TBC1D1: variants seen among roughly 807,000 people sequenced by gnomAD.
TBC1D1 encodes TBC1 domain family member 1, also known as TBC1 (tre-2/USP6, BUB2, cdc16) domain family, member 1.
A neutral mutation model predicts 125.6 loss-of-function variants in TBC1D1; 89 were observed. The observed-to-expected ratio is 0.71, with a 90% CI of 0.60 to 0.85. The LOEUF (loss-of-function observed/expected upper bound fraction) is 0.85. TBC1D1 is among the 40% of genes least tolerant of loss of function. TBC1D1 has a pLI of 0.00. For synonymous variants in TBC1D1, 565 were observed against 564.1 expected, an observed-to-expected ratio of 1.00 and a Z score of -0.02; for missense variants, 1,377 against 1,469.2, an observed-to-expected ratio of 0.94 and a Z score of 1.03.
At chr4:37,896,627 T>C (rs1164766334) in intron 1 of TBC1D1, among the ~76,000 whole-genome samples, 6 of 152,042 alleles carry the variant, frequency 3.9e-5, no homozygotes, top group Admixed American at 3.3e-4. Context: ...GTAACTTGCT[T>C]TTTCAACTTC....
chr4:37,905,596 C>T lies in TBC1D1; in HGVS notation c.417+3084C>T, dbSNP rs531797274. 7.1e-4 allele frequency among the ~76,000 whole-genome samples: 108 copies of T among 152,280 alleles called. 1 individual carries two copies. The highest frequency in any genetic ancestry group is 6.8e-3 in the Middle Eastern group (2 of 294). On this transcript the variant is annotated intron_variant, in intron 2 of 19. Transcript: ENST00000261439. ...AGGACTCTGGTGAAGCTTTCCCAGGCGATTTTCTGCTAAAGCTTTGGCTAA... is the reference window on the plus strand; with the variant it reads ...AGGACTCTGGTGAAGCTTTCCCAGGTGATTTTCTGCTAAAGCTTTGGCTAA...
intron 12 of TBC1D1, among the ~76,000 whole-genome samples, chr4:38,070,183 T>A (rs976409252): frequency 1.3e-5 from 2 of 152,240 alleles, no homozygotes; most frequent in Non-Finnish European, 2.9e-5. Flanking sequence ...TAGGTGAAAT[T>A]GTACATGAGT....
At position 37,934,514 on chromosome 4, in the gene TBC1D1, C is replaced by G. The variant is rs564439956; in HGVS notation, c.417+32002C>G. 5.3e-4 allele frequency among the ~76,000 whole-genome samples: 80 copies of G among 152,264 alleles called. 1 individual carries two copies. The highest frequency in any genetic ancestry group is 4.8e-3 in the Admixed American group (73 of 15,280). ...GAGGGAGAAAGGTGGGCTGCTTCTG[C>G]GTCATCCGTCCTGGTTGTGTCCCAG... On this transcript the variant is annotated intron_variant, in intron 2 of 19. Coordinates refer to ENST00000261439, the MANE Select transcript of TBC1D1 (RefSeq NM_015173.4).
chr4:38,060,732 G>C (rs937969107), intron 12 of TBC1D1: 4 of 1,003,366 alleles, frequency 4.0e-6, no homozygotes, highest in Admixed American at 2.4e-5. Flanking sequence ...GCTTTCTTCA[G>C]ATCATGGTTT....
Position 37,995,138 on chromosome 4 carries a change from T to G in TBC1D1, c.418-19371T>G, listed in dbSNP as rs551281796. ...TACTGCAGTTTGTTTCCTTCGATACTGACACAACAGCCCTCGGGAAACTGA... is the reference window on the plus strand; with the variant it reads ...TACTGCAGTTTGTTTCCTTCGATACGGACACAACAGCCCTCGGGAAACTGA... On this transcript the variant is annotated intron_variant, in intron 2 of 19. Transcript: ENST00000261439. This position sits in a 1 kb window ranked among gnomAD's most constrained non-coding sequence, Gnocchi z 4.3. Among the ~76,000 whole-genome samples, 1 of 152,218 alleles carries G rather than the reference T, an allele frequency of 6.6e-6. No homozygotes were observed. Among genetic ancestry groups the G allele is most frequent in the Non-Finnish European group, 1.5e-5 (1 of 68,034 alleles).
At chr4:38,106,536 A>C (rs1444094903) in intron 15 of TBC1D1, among the ~76,000 whole-genome samples, 1 of 152,188 alleles carries the variant, frequency 6.6e-6, no homozygotes, top group Non-Finnish European at 1.5e-5. Flanking sequence ...TGTTCCTATC[A>C]TGTGAAACAA....
In TBC1D1 at chr4:37,960,802, T is replaced by G. The variant is rs748654824; in HGVS notation, c.418-53707T>G. ...GAAAAATTCTTTCCCTTCAATCTTC[T>G]AGACTTTGAGAGTTTTGACCTGCCT... On this transcript the variant is annotated intron_variant, in intron 2 of 19. Coordinates refer to ENST00000261439, the MANE Select transcript of TBC1D1 (RefSeq NM_015173.4). 5 of 1,614,178 alleles carry G rather than the reference T, an allele frequency of 3.1e-6. No homozygotes were observed. The South Asian group carries it at 4.4e-5, about 14-fold the overall frequency.
chr4:38,122,662 A>G (rs1230399766), intron 17 of TBC1D1, among the ~76,000 whole-genome samples: 1 of 152,190 alleles, frequency 6.6e-6, no homozygotes, highest in Non-Finnish European at 1.5e-5. Flanking sequence ...TGTTTTGCTC[A>G]TGGCTTAATC....
intron 12 of TBC1D1, among the ~76,000 whole-genome samples, chr4:38,079,820 T>A (rs1205125648): frequency 2.0e-5 from 3 of 152,214 alleles, no homozygotes; most frequent in African/African-American, 7.2e-5. Flanking sequence ...CTTAATTAAT[T>A]TAAAACAATG....
chr4:38,137,233 G>A lies in TBC1D1; in HGVS notation c.3405G>A (p.Glu1135=). ...AGGCCATGCTTACCTTAGAACTGGA[G>A]CGGTCGGCCCTGCTGCAGACGGTGG... Residue 1135 remains glutamate (E), a synonymous_variant, in exon 20 of 20, where the codon GAG becomes GAA. Transcript: ENST00000261439. 1.2e-6 allele frequency: 2 copies of A among 1,612,518 alleles called. No individual in the cohort carries two copies. Among genetic ancestry groups the A allele is most frequent in the Non-Finnish European group, 1.7e-6 (2 of 1,180,024 alleles).
chr4:37,936,371 A>C (rs1724391099), intron 2 of TBC1D1, among the ~76,000 whole-genome samples: 1 of 152,212 alleles, frequency 6.6e-6, no homozygotes, highest in African/African-American at 2.4e-5. Context: ...ACTAAAACAC[A>C]AAAAGTGAAA....
At chr4:38,097,929 T>C (rs1008293544) in intron 14 of TBC1D1, among the ~76,000 whole-genome samples, 23 of 152,254 alleles carry the variant, frequency 1.5e-4, no homozygotes, top group African/African-American at 5.3e-4. Context: ...TCCCTTTCTA[T>C]GGATAAGGAA....
chr4:38,006,714 T>G (rs111565633), intron 2 of TBC1D1: 5 of 352,394 alleles, frequency 1.4e-5, no homozygotes, highest in African/African-American at 8.7e-5. Flanking sequence ...CTCCTGACCT[T>G]GTGATCCGCC....
chr4:38,104,159 C>CAAAAAAAAAAAAAAAAAAAAAAAAAAAAA, intron 15 of TBC1D1, among the ~76,000 whole-genome samples: 1 of 83,960 alleles, frequency 1.2e-5, no homozygotes, highest in Non-Finnish European at 2.3e-5. Flanking sequence ...GACTCTGTCT[C>CAAAAAAAAAAAAAAAAAAAAAAAAAAAAA]AAAAAAAAAA....
chr4:38,109,887 T>C (rs1761947687), intron 15 of TBC1D1, among the ~76,000 whole-genome samples: 1 of 152,194 alleles, frequency 6.6e-6, no homozygotes, highest in African/African-American at 2.4e-5. Flanking sequence ...TGTGAGAAGA[T>C]GTTAGTATCC....
At chr4:38,083,952 T>C (rs1000548092) in intron 12 of TBC1D1, among the ~76,000 whole-genome samples, 5 of 150,974 alleles carry the variant, frequency 3.3e-5, no homozygotes, top group African/African-American at 7.3e-5. Context: ...TTTTTTTTTT[T>C]CTTGAGACAG....
intron 12 of TBC1D1, among the ~76,000 whole-genome samples, 164 bp downstream of exon 14, chr4:38,054,502 A>G (rs1751322913): frequency 6.6e-6 from 1 of 152,196 alleles, no homozygotes; most frequent in Non-Finnish European, 1.5e-5. Flanking sequence ...GTTACCCTCC[A>G]TTTCTTAGGG....
chr4:37,974,650 C>T (rs143901078), intron 2 of TBC1D1, among the ~76,000 whole-genome samples: 13 of 152,216 alleles, frequency 8.5e-5, no homozygotes, highest in South Asian at 2.1e-4. Context: ...GTAGGCCTCC[C>T]GGGTTCCAGT....
chr4:38,047,996 G>A lies in TBC1D1; in HGVS notation c.1630-1622G>A, dbSNP rs558681026. Among the ~76,000 whole-genome samples, 106 of 152,318 alleles carry A rather than the reference G, an allele frequency of 7.0e-4. No homozygotes were observed. The Middle Eastern group carries it at 0.014, about 20-fold the overall frequency. The stretch of plus-strand genomic sequence containing the variant: ...CATATTCATTCTTCAGGACTCGATA[G>A]TTGTGAAGATTCTTTTAAAAGGATT... On this transcript the variant is annotated intron_variant, in intron 10 of 19. Transcript: ENST00000261439.
Sources: gnomAD v4.1 joint callset for allele counts (sites outside exome capture counted in the v4.1 genomes callset) on GRCh38, gnomAD v4.1.1 for gene constraint, Gnocchi (gnomAD v3.1) non-coding constraint, MANE v1.5 for transcripts, NCBI Gene and HGNC (gene_info 2026-07-23, HGNC 2026-07-21) for gene names.